Variants in MEIS2 observed in about 807,000 individuals in gnomAD.
MEIS2 encodes the protein Meis homeobox 2.
A neutral mutation model predicts 58.6 loss-of-function variants in MEIS2; 9 were observed. The observed-to-expected ratio is 0.15, with a 90% CI of 0.09 to 0.27. The LOEUF (loss-of-function observed/expected upper bound fraction) is 0.27, where lower values mean the gene tolerates loss of function less well. Among genes scored for constraint, MEIS2 ranks in the 10% least tolerant of loss-of-function variants. MEIS2 has a pLI of 1.00. For synonymous variants in MEIS2, 221 were observed against 228.4 expected, an observed-to-expected ratio of 0.97 and a Z score of 0.29; for missense variants, 427 against 635.0, an observed-to-expected ratio of 0.67 and a Z score of 3.52.
intron 8 of MEIS2, among the ~76,000 whole-genome samples, chr15:37,017,974 C>G (rs964510130): frequency 6.6e-6 from 1 of 152,162 alleles, no homozygotes; most frequent in Non-Finnish European, 1.5e-5. Context: ...CCAACCTCCC[C>G]CAGTATTTAA....
chr15:36,973,964 C>A (rs1037785306), intron 8 of MEIS2, among the ~76,000 whole-genome samples: 44 of 152,258 alleles, frequency 2.9e-4, no homozygotes, highest in African/African-American at 9.6e-4. Flanking sequence ...CTTAATTCAG[C>A]AATATTTCAC....
chr15:36,904,630 A>G (rs1415725584), intron 9 of MEIS2, among the ~76,000 whole-genome samples: 1 of 81,216 alleles, frequency 1.2e-5, no homozygotes, highest in Non-Finnish European at 2.6e-5. Context: ...AAAGGATTAC[A>G]TTTTCTTCTT....
intron 8 of MEIS2, among the ~76,000 whole-genome samples, chr15:36,995,981 ATATATATATATATATATATATG>A (rs1290493562): frequency 1.1e-4 from 9 of 79,810 alleles, no homozygotes; most frequent in Middle Eastern, 7.9e-3. Flanking sequence ...ATATATATAT[ATATATATATATATATATATATG>A]TATATATATA....
intron 8 of MEIS2, among the ~76,000 whole-genome samples, chr15:36,959,539 C>T (rs1029249298): frequency 3.3e-5 from 5 of 152,084 alleles, no homozygotes; most frequent in African/African-American, 4.8e-5. Flanking sequence ...CCCCAAAATA[C>T]TATTTTAAAA....
At chr15:36,921,776 T>C (rs576767836) in intron 9 of MEIS2, among the ~76,000 whole-genome samples, 2 of 149,918 alleles carry the variant, frequency 1.3e-5, no homozygotes, top group South Asian at 2.1e-4. Flanking sequence ...TACATTTAGA[T>C]AGTCGGCACT....
chr15:37,095,765 G>T (rs987666519), intron 3 of MEIS2, 151 bp from the exon 4 acceptor site: 6 of 1,122,558 alleles, frequency 5.3e-6, no homozygotes, highest in Non-Finnish European at 6.4e-6. Flanking sequence ...TAAATTAGTG[G>T]AGTCCCTGAA....
intron 8 of MEIS2, among the ~76,000 whole-genome samples, chr15:37,004,155 C>T (rs1263968510): frequency 6.6e-6 from 1 of 152,176 alleles, no homozygotes; most frequent in Non-Finnish European, 1.5e-5. Flanking sequence ...CTAGCAGTTT[C>T]TACTTACCAT....
At chr15:36,987,090 T>A (rs1437874336) in intron 8 of MEIS2, among the ~76,000 whole-genome samples, 3 of 152,002 alleles carry the variant, frequency 2.0e-5, no homozygotes, top group African/African-American at 7.3e-5. Flanking sequence ...GGGTGGGGTG[T>A]GTGTGGTAGA....
intron 6 of MEIS2, among the ~76,000 whole-genome samples, chr15:37,085,453 G>A (rs1892770648): frequency 6.6e-6 from 1 of 152,168 alleles, no homozygotes; most frequent in Non-Finnish European, 1.5e-5. Flanking sequence ...ATAGGGAAAT[G>A]TTCTTATTTG....
chr15:37,024,858 C>A (rs1021546116), intron 8 of MEIS2, among the ~76,000 whole-genome samples: 1 of 152,154 alleles, frequency 6.6e-6, no homozygotes, highest in African/African-American at 2.4e-5. Context: ...AGTTTAGGAA[C>A]AAAGAACAAA....
At chr15:36,935,633 A>C (rs955094593) in intron 9 of MEIS2, among the ~76,000 whole-genome samples, 4 of 152,086 alleles carry the variant, frequency 2.6e-5, no homozygotes, top group African/African-American at 9.7e-5. Flanking sequence ...TTAATGTATT[A>C]TTTTTTTCTT....
At chr15:36,992,537 T>C (rs778638829) in intron 8 of MEIS2, among the ~76,000 whole-genome samples, 130 of 152,154 alleles carry the variant, frequency 8.5e-4, no homozygotes, top group Non-Finnish European at 2.4e-4. Context: ...TCATTGTCAT[T>C]TACTGTAAAT....
At chr15:36,938,430 C>A (rs1321658581) in intron 9 of MEIS2, among the ~76,000 whole-genome samples, 2 of 152,208 alleles carry the variant, frequency 1.3e-5, no homozygotes, top group African/African-American at 2.4e-5. Context: ...AATCCCCAAG[C>A]CCCTGCTCCC....
intron 8 of MEIS2, among the ~76,000 whole-genome samples, chr15:36,985,321 G>T (rs559546776): frequency 6.6e-6 from 1 of 152,154 alleles, no homozygotes; most frequent in Admixed American, 6.6e-5. Context: ...TTCTCAATGA[G>T]TATTTTAATC....
intron 7 of MEIS2, among the ~76,000 whole-genome samples, chr15:37,053,120 C>T (rs1020410700): frequency 2.6e-5 from 4 of 152,174 alleles, no homozygotes; most frequent in African/African-American, 4.8e-5. Context: ...TTTGCTTTCT[C>T]AGTAGGTTTA....
chr15:36,924,021 T>C (rs755299239), intron 9 of MEIS2, among the ~76,000 whole-genome samples: 7 of 152,236 alleles, frequency 4.6e-5, no homozygotes, highest in Non-Finnish European at 5.9e-5. Context: ...ACATGCCCTT[T>C]AAATCCTTTT....
At chr15:36,938,110 T>C (rs1168960660) in intron 9 of MEIS2, among the ~76,000 whole-genome samples, 1 of 152,198 alleles carries the variant, frequency 6.6e-6, no homozygotes, top group African/African-American at 2.4e-5. Flanking sequence ...AGATATGGTA[T>C]GTCCTTTTCA....
chr15:37,041,382 G>T (rs2141757514), intron 7 of MEIS2, among the ~76,000 whole-genome samples: 1 of 152,218 alleles, frequency 6.6e-6, no homozygotes, highest in East Asian at 1.9e-4. Context: ...CTGTCTGAAG[G>T]CCTGAATCTA....
chr15:37,035,059 G>A (rs1051803546), intron 8 of MEIS2, among the ~76,000 whole-genome samples: 1 of 152,138 alleles, frequency 6.6e-6, no homozygotes, highest in African/African-American at 2.4e-5. Flanking sequence ...CTGTTGAAGT[G>A]TTTATTTTCG....
Sources: allele counts gnomAD v4.1 joint callset (sites outside exome capture counted in the v4.1 genomes callset), GRCh38; gene constraint gnomAD v4.1.1; transcripts MANE v1.5; gene names NCBI Gene and HGNC (gene_info 2026-07-23, HGNC 2026-07-21).